Variants in SUFU observed in about 807,000 individuals in gnomAD.
SUFU encodes SUFU negative regulator of hedgehog signaling.
SUFU carries 7 observed loss-of-function variants against 58.9 expected under a neutral mutation model. The ratio of observed to expected loss-of-function variants is 0.12; its 90% CI spans 0.07 to 0.22. SUFU has a LOEUF of 0.22. Among genes scored for constraint, SUFU ranks in the 10% least tolerant of loss-of-function variants. SUFU has a pLI of 1.00. For missense variants in SUFU, 451 were observed against 641.3 expected (o/e 0.70, Z 3.20); for synonymous variants, 232 against 254.8 (o/e 0.91, Z 0.85).
intron 8 of SUFU, among the ~76,000 whole-genome samples, chr10:102,599,746 A>G (rs2063498822): frequency 6.6e-6 from 1 of 152,166 alleles, no homozygotes; most frequent in Non-Finnish European, 1.5e-5. Context: ...GGGACCCAGC[A>G]GACCGTGAAT....
At chr10:102,599,329 G>A (rs571331950) in intron 7 of SUFU, 104 bp from the exon 8 acceptor site, 55 of 860,584 alleles carry the variant, frequency 6.4e-5, no homozygotes, top group Middle Eastern at 4.3e-4. Flanking sequence ...ACTGGCCAGC[G>A]TGGTAGTTTT....
intron 8 of SUFU, among the ~76,000 whole-genome samples, chr10:102,611,626 G>A (rs2063624078): frequency 6.6e-6 from 1 of 152,218 alleles, no homozygotes; most frequent in South Asian, 2.1e-4. Context: ...GACTTTTAGA[G>A]GCAGCCAGCT....
rs772869574 is a variant in SUFU, at chr10:102,633,049, G to C, written c.*2894G>C. 8.6e-6 allele frequency: 2 copies of C among 233,222 alleles called. No homozygotes were observed. Among genetic ancestry groups the C allele is most frequent in the African/African-American group, 2.2e-5 (1 of 45,338 alleles). The allele number at this position is 233,222 out of a possible 1,614,324, so 14.4% of individuals were successfully genotyped here. A position where few individuals can be genotyped will look rare whatever the true frequency, so the allele number is the denominator to read the frequency against. ...AGAGCATTTTTAAAAATAGACACAG[G>C]GTCTTGGGACTGGGGTTTCGGATTG... On this transcript the variant is annotated 3_prime_UTR_variant, in exon 12 of 12. Transcript: ENST00000369902.
At chr10:102,516,125 CTTTTTTTT>C (rs60544094) in intron 2 of SUFU, among the ~76,000 whole-genome samples, 1 of 125,584 alleles carries the variant, frequency 8.0e-6, no homozygotes, top group South Asian at 2.5e-4. Flanking sequence ...TCTTTCTTTT[CTTTTTTTT>C]TTTTTTTTTT....
At chr10:102,575,744 A>G (rs1475516582) in intron 3 of SUFU, among the ~76,000 whole-genome samples, 2 of 152,228 alleles carry the variant, frequency 1.3e-5, no homozygotes, top group Non-Finnish European at 2.9e-5. Context: ...GAGTGATGCC[A>G]CAGTAGCCAG....
At chr10:102,571,964 C>G (rs1307483643) in intron 3 of SUFU, among the ~76,000 whole-genome samples, 1 of 152,206 alleles carries the variant, frequency 6.6e-6, no homozygotes, top group African/African-American at 2.4e-5. Context: ...TTCAAGGCAG[C>G]TTGCTTCTTT....
rs1295357622 is a variant in SUFU, at chr10:102,627,261, T to C, written c.1365+18T>C. On this transcript the variant is annotated intron_variant, in intron 11 of 11. Coordinates refer to ENST00000369902, the MANE Select transcript of SUFU (RefSeq NM_016169.4). ...CAGAGGAAGTAAGCTTGTTTGACTTTTCCTGACAACAGGTCCCGTCTCTGG... is the reference window on the plus strand; with the variant it reads ...CAGAGGAAGTAAGCTTGTTTGACTTCTCCTGACAACAGGTCCCGTCTCTGG... 6.2e-7 allele frequency: 1 copy of C among 1,611,800 alleles called. No individual in the cohort carries two copies. Among genetic ancestry groups the C allele is most frequent in the Non-Finnish European group, 8.5e-7 (1 of 1,177,844 alleles).
At chr10:102,555,071 A>G (rs544657987) in intron 3 of SUFU, among the ~76,000 whole-genome samples, 1 of 152,102 alleles carries the variant, frequency 6.6e-6, no homozygotes, top group Non-Finnish European at 1.5e-5. Context: ...GATCAAGACC[A>G]TCCTGGCTAA....
chr10:102,556,712 C>T (rs749018824), intron 3 of SUFU, among the ~76,000 whole-genome samples: 3 of 113,458 alleles, frequency 2.6e-5, no homozygotes, highest in Non-Finnish European at 5.3e-5. Context: ...CACTGCACTT[C>T]AGCCTGGATG....
At chr10:102,563,245 C>T (rs2063056703) in intron 3 of SUFU, among the ~76,000 whole-genome samples, 1 of 152,136 alleles carries the variant, frequency 6.6e-6, no homozygotes, top group Admixed American at 6.5e-5. Context: ...GCTAGGTAAG[C>T]TGTGTGGAAC....
intron 3 of SUFU, among the ~76,000 whole-genome samples, chr10:102,561,276 T>C (rs1200703895): frequency 6.6e-6 from 1 of 152,240 alleles, no homozygotes; most frequent in Non-Finnish European, 1.5e-5. Flanking sequence ...TAAATTAATA[T>C]GTTATTAAAA....
At chr10:102,616,340 C>A (rs1347768997) in intron 9 of SUFU, among the ~76,000 whole-genome samples, 10 of 152,374 alleles carry the variant, frequency 6.6e-5, no homozygotes, top group Admixed American at 5.2e-4. Flanking sequence ...ACTCACAGAA[C>A]AGTGACAGGG....
chr10:102,565,251 C>T (rs758218079), intron 3 of SUFU, among the ~76,000 whole-genome samples: 2 of 152,108 alleles, frequency 1.3e-5, no homozygotes, highest in Non-Finnish European at 2.9e-5. Flanking sequence ...AAAAGTCGGC[C>T]GACAACTGAC....
intron 2 of SUFU, among the ~76,000 whole-genome samples, chr10:102,540,624 C>A (rs1290045947): frequency 6.6e-6 from 1 of 151,932 alleles, no homozygotes; most frequent in Non-Finnish European, 1.5e-5. Flanking sequence ...GCACTCCAGC[C>A]TGGGCAACAG....
chr10:102,607,899 A>G (rs960537549), intron 8 of SUFU, among the ~76,000 whole-genome samples: 1 of 151,628 alleles, frequency 6.6e-6, no homozygotes, highest in African/African-American at 2.4e-5. Flanking sequence ...CGACAGAGCA[A>G]GATTCCATCT....
intron 8 of SUFU, among the ~76,000 whole-genome samples, chr10:102,600,107 G>A (rs1184568156): frequency 6.6e-6 from 1 of 152,152 alleles, no homozygotes; most frequent in Non-Finnish European, 1.5e-5. Context: ...AGAGACTGTG[G>A]CCACCCTAGA....
intron 1 of SUFU, 54 bp downstream of exon 1, chr10:102,504,388 C>A: frequency 6.2e-7 from 1 of 1,602,804 alleles, no homozygotes; most frequent in Non-Finnish European, 8.5e-7. Context: ...AGGGTTAAAG[C>A]GCCGAGGGCG....
At chr10:102,520,042 G>C (rs551404578) in intron 2 of SUFU, among the ~76,000 whole-genome samples, 3 of 152,000 alleles carry the variant, frequency 2.0e-5, no homozygotes, top group African/African-American at 7.2e-5. Flanking sequence ...AAAGTGCTGG[G>C]ATTACAGGTG....
chr10:102,572,685 C>T (rs2063174719), intron 3 of SUFU: 1 of 628,016 alleles, frequency 1.6e-6, no homozygotes, highest in Non-Finnish European at 3.0e-6. Flanking sequence ...AGCCACCATG[C>T]CCAGCCTTTT....
Sources: allele counts gnomAD v4.1 joint callset (sites outside exome capture counted in the v4.1 genomes callset), GRCh38; gene constraint gnomAD v4.1.1; transcripts MANE v1.5; gene names NCBI Gene and HGNC (gene_info 2026-07-23, HGNC 2026-07-21).